SDK1: variants seen among roughly 807,000 people sequenced by gnomAD.
SDK1 encodes sidekick cell adhesion molecule 1, also known as protein sidekick-1.
In SDK1, 157 loss-of-function variants were observed where a neutral mutation model predicts 245.5. The ratio of observed to expected loss-of-function variants is 0.64; its 90% confidence interval spans 0.56 to 0.73. The LOEUF (loss-of-function observed/expected upper bound fraction) is 0.73. Among genes scored for constraint, SDK1 ranks in the 30% least tolerant of loss-of-function variants. The pLI is 0.00. For missense variants in SDK1, 3,583 were observed against 3,002.3 expected (o/e 1.19, Z -4.52); for synonymous variants, 1,647 against 1,278.5 (o/e 1.29, Z -6.15).
intron 1 of SDK1, among the ~76,000 whole-genome samples, chr7:3,615,960 C>T (rs1048614820): frequency 6.6e-6 from 1 of 151,972 alleles, no homozygotes; most frequent in Non-Finnish European, 1.5e-5. Context: ...TCACGGCTCA[C>T]TGCAGCCTTG....
chr7:3,911,022 C>G (rs1243025736), intron 5 of SDK1, among the ~76,000 whole-genome samples: 1 of 152,204 alleles, frequency 6.6e-6, no homozygotes, highest in African/African-American at 2.4e-5. Context: ...GCCACTGATG[C>G]ACAGCCTTTC....
intron 2 of SDK1, among the ~76,000 whole-genome samples, chr7:3,638,801 A>G (rs940318749): frequency 6.6e-6 from 1 of 152,012 alleles, no homozygotes; most frequent in African/African-American, 2.4e-5. Context: ...AAAATTTAAA[A>G]AAAAAAAGAA....
intron 12 of SDK1, among the ~76,000 whole-genome samples, chr7:3,972,428 C>T (rs973772921): frequency 9.9e-5 from 15 of 152,058 alleles, no homozygotes; most frequent in African/African-American, 3.6e-4. Flanking sequence ...TAAATTCGGG[C>T]CAGGAAAGTA....
In SDK1 at chr7:3,639,121, A is replaced by T; in HGVS notation, c.565+11A>T. 1 of 1,491,556 alleles carries T rather than the reference A, an allele frequency of 6.7e-7. No individual in the cohort carries two copies. 92.4% of individuals were successfully genotyped at this position (1,491,556 alleles called of 1,614,324 possible). A position where few individuals can be genotyped will look rare whatever the true frequency, so the allele number is the denominator to read the frequency against. ...AAGTTCAAGTCGCATGTATGTGTAC[A>T]GTAAGGAGATGTCCAAATGTTAAAG... On this transcript the variant is annotated intron_variant, in intron 3 of 44. Transcript: ENST00000404826.
chr7:3,357,696 G>C (rs183322376), intron 1 of SDK1, among the ~76,000 whole-genome samples: 1 of 151,932 alleles, frequency 6.6e-6, no homozygotes, highest in Non-Finnish European at 1.5e-5. Flanking sequence ...TTTTTCCCCT[G>C]TCTAGGCCCT....
intron 32 of SDK1, among the ~76,000 whole-genome samples, chr7:4,170,900 C>G (rs541981350): frequency 6.6e-6 from 1 of 152,312 alleles, no homozygotes; most frequent in South Asian, 2.1e-4. Context: ...GTCCCAAACA[C>G]TGCTTTGTCG....
chr7:4,230,518 G>A (rs2128235134), intron 40 of SDK1, among the ~76,000 whole-genome samples: 1 of 150,344 alleles, frequency 6.7e-6, no homozygotes, highest in Non-Finnish European at 1.5e-5. Flanking sequence ...TTGGTTACAT[G>A]GATGAATGGA....
intron 2 of SDK1, among the ~76,000 whole-genome samples, chr7:3,628,939 A>G (rs1270446164): frequency 2.6e-5 from 4 of 152,068 alleles, no homozygotes; most frequent in Non-Finnish European, 5.9e-5. Context: ...TGAGTTGAAG[A>G]GAGCTGAGAG....
rs184126494 is a variant in SDK1 at position 3,832,488 on chromosome 7, G to C, written c.847+10905G>C. On this transcript the variant is annotated intron_variant, in intron 5 of 44. Transcript: ENST00000404826. ...ATTACAGCAGGTAATTAAAATTGTA[G>C]TTCTTTACAATGTGTTTGAGAATAT... is the stretch of plus-strand genomic sequence containing the variant. 1.2e-3 allele frequency among the ~76,000 whole-genome samples: 181 copies of C among 152,258 alleles called. 1 individual carries two copies. Among genetic ancestry groups the C allele is most frequent in the Non-Finnish European group, 4.3e-4 (29 of 68,020 alleles).
At chr7:4,065,694 GTTTTT>G (rs749991713) in intron 19 of SDK1, among the ~76,000 whole-genome samples, 11 of 66,724 alleles carry the variant, frequency 1.6e-4, no homozygotes, top group East Asian at 1.0e-3. Context: ...AGTGGTTGTT[GTTTTT>G]TTTTTTTTTT....
intron 4 of SDK1, among the ~76,000 whole-genome samples, chr7:3,735,738 T>A (rs766933243): frequency 1.9e-4 from 29 of 152,218 alleles, no homozygotes; most frequent in Non-Finnish European, 3.7e-4. Context: ...GGAACCTCCA[T>A]ACTGTTTTCC....
At chr7:3,641,206 A>G (rs2128651881) in intron 3 of SDK1, among the ~76,000 whole-genome samples, 1 of 152,340 alleles carries the variant, frequency 6.6e-6, no homozygotes, top group Middle Eastern at 3.4e-3. Flanking sequence ...TGTTTAAATA[A>G]AAATACACTA....
intron 22 of SDK1, among the ~76,000 whole-genome samples, chr7:4,081,058 T>C (rs1261297402): frequency 1.3e-5 from 2 of 152,168 alleles, no homozygotes; most frequent in Non-Finnish European, 2.9e-5. Flanking sequence ...AAGCACGCGC[T>C]GTGGTCTTTG....
chr7:3,895,328 T>A (rs1338112308), intron 5 of SDK1, among the ~76,000 whole-genome samples: 2 of 152,140 alleles, frequency 1.3e-5, no homozygotes, highest in East Asian at 3.9e-4. Context: ...CACATTAGAG[T>A]CTGGCTGCCT....
At chr7:3,525,797 C>T (rs933597159) in intron 1 of SDK1, among the ~76,000 whole-genome samples, 4 of 152,074 alleles carry the variant, frequency 2.6e-5, no homozygotes, top group Non-Finnish European at 5.9e-5. Context: ...ACTCCCTCTT[C>T]TTTGAGAAAT....
In SDK1 at chr7:3,901,388, G is replaced by T. The variant is rs190063707; in HGVS notation, c.848-49535G>T. On this transcript the variant is annotated intron_variant, in intron 5 of 44. Coordinates refer to ENST00000404826, the MANE Select transcript of SDK1 (RefSeq NM_152744.4). Reference sequence around the variant, plus strand: ...TTTTTAATAGAGACGGGGTTTCACCGTGCTAGCCAGGATGGTCTCGATCTC... The same window carrying T: ...TTTTTAATAGAGACGGGGTTTCACCTTGCTAGCCAGGATGGTCTCGATCTC... Among the ~76,000 whole-genome samples the T allele has an allele frequency of 2.0e-5, 3 of 152,096 alleles. No individual in the cohort carries two copies. The East Asian group carries it at 5.8e-4, about 29-fold the overall frequency.
chr7:3,526,100 G>A (rs1034387757), intron 1 of SDK1, among the ~76,000 whole-genome samples: 3 of 152,054 alleles, frequency 2.0e-5, no homozygotes, highest in Admixed American at 1.3e-4. Flanking sequence ...GGGGTGTGAT[G>A]GTGCATGCCG....
intron 5 of SDK1, among the ~76,000 whole-genome samples, chr7:3,882,987 G>A (rs1273932500): frequency 6.6e-6 from 1 of 152,164 alleles, no homozygotes; most frequent in Non-Finnish European, 1.5e-5. Context: ...TTGAAGTGCT[G>A]GCTGGAAGGG....
chr7:3,519,393 T>C (rs1255057020), intron 1 of SDK1, among the ~76,000 whole-genome samples: 6 of 152,180 alleles, frequency 3.9e-5, no homozygotes, highest in Non-Finnish European at 7.4e-5. Context: ...CCCATACATA[T>C]ATATGATTAT....
Sources: allele counts gnomAD v4.1 joint callset (sites outside exome capture counted in the v4.1 genomes callset), GRCh38; gene constraint gnomAD v4.1.1; transcripts MANE v1.5; gene names NCBI Gene and HGNC (gene_info 2026-07-23, HGNC 2026-07-21).